The following LANCL3 variants were observed in gnomAD, a reference collection of about 807,000 sequenced individuals.
LANCL3 encodes the protein lanC-like protein 3.
In LANCL3, 19 loss-of-function variants were observed where a neutral mutation model predicts 26.5. The ratio of observed to expected loss-of-function variants is 0.72; its 90% CI spans 0.50 to 1.05. LANCL3 has a LOEUF of 1.05. Ranked by LOEUF, LANCL3 falls within the 50% of genes least tolerant of loss-of-function variation. The probability of loss-of-function intolerance (pLI) is 0.00; values close to 1 mark genes in which losing one functional copy is unlikely to be tolerated. For missense variants in LANCL3, 318 were observed against 362.7 expected (o/e 0.88, Z 1.00); for synonymous variants, 160 against 166.6 (o/e 0.96, Z 0.30).
chrX:37,591,469 A>T (rs1461324219), intron 1 of LANCL3, among the ~76,000 whole-genome samples: 5 of 111,599 alleles, frequency 4.5e-5, no homozygotes, highest in Non-Finnish European at 9.4e-5. Context: ...GAGCAACCAG[A>T]TGATGGTCTT....
At chrX:37,585,225 C>T (rs1247381671) in intron 1 of LANCL3, among the ~76,000 whole-genome samples, 2 of 111,455 alleles carry the variant, frequency 1.8e-5, no homozygotes, top group Non-Finnish European at 3.8e-5. Context: ...ACTATGTGGT[C>T]AATTTTGGCA....
chrX:37,640,692 C>G (rs1242024228), intron 1 of LANCL3, among the ~76,000 whole-genome samples: 1 of 111,813 alleles, frequency 8.9e-6, no homozygotes, highest in African/African-American at 3.3e-5. Context: ...ATCTCAGTTG[C>G]TCATCTCAGC....
intron 1 of LANCL3, among the ~76,000 whole-genome samples, chrX:37,598,817 A>G (rs1430990981): frequency 8.9e-6 from 1 of 112,045 alleles, no homozygotes; most frequent in Non-Finnish European, 1.9e-5. Context: ...AGTGATGCAG[A>G]ATTTCTTAAA....
chrX:37,602,601 T>A (rs1444605521), intron 1 of LANCL3, among the ~76,000 whole-genome samples: 1 of 111,921 alleles, frequency 8.9e-6, no homozygotes, highest in Non-Finnish European at 1.9e-5. Context: ...GATTTTTTAG[T>A]CAATGTTCTG....
rs190082095 is a variant in LANCL3 at position 37,638,013 on chromosome X, T to C, written c.574-17675T>C. On this transcript the variant is annotated intron_variant, in intron 1 of 4. Transcript: ENST00000378619. ...TCAGTAACTCTATTTGATCCTGTAA[T>C]GTGACTAAAACTTAGGGATATGTTT... Among the ~76,000 whole-genome samples the C allele has an allele frequency of 1.8e-4, 20 of 110,393 alleles. No individual in the cohort carries two copies. The East Asian group carries it at 5.7e-3, about 32-fold the overall frequency.
intron 1 of LANCL3, among the ~76,000 whole-genome samples, chrX:37,597,866 T>A (rs1320492143): frequency 9.2e-6 from 1 of 109,015 alleles, no homozygotes; most frequent in Non-Finnish European, 1.9e-5. Context: ...GTTCATTGGG[T>A]ATGAAGTGTG....
At chrX:37,610,590 T>C (rs1556421043) in intron 1 of LANCL3, among the ~76,000 whole-genome samples, 3 of 111,905 alleles carry the variant, frequency 2.7e-5, no homozygotes, top group African/African-American at 9.8e-5. Flanking sequence ...TGCTTGGCCC[T>C]TACTACAAGG....
At chrX:37,640,941 G>T (rs782395921) in intron 1 of LANCL3, among the ~76,000 whole-genome samples, 2 of 111,424 alleles carry the variant, frequency 1.8e-5, no homozygotes, top group Middle Eastern at 4.6e-3. Context: ...TGTCACTTTT[G>T]TTCCTGGTAG....
At chrX:37,637,758 A>T (rs1925744389) in intron 1 of LANCL3, among the ~76,000 whole-genome samples, 1 of 111,491 alleles carries the variant, frequency 9.0e-6, no homozygotes, top group Admixed American at 9.6e-5. Context: ...TACATTCCTG[A>T]TACAAATAGA....
intron 1 of LANCL3, among the ~76,000 whole-genome samples, chrX:37,605,834 C>A (rs1220194591): frequency 8.9e-6 from 1 of 111,775 alleles, no homozygotes; most frequent in African/African-American, 3.3e-5. Context: ...CTCAGTCCTC[C>A]TCCCCTGCTC....
At chrX:37,602,205 A>G (rs1924592565) in intron 1 of LANCL3, among the ~76,000 whole-genome samples, 1 of 112,210 alleles carries the variant, frequency 8.9e-6, no homozygotes, top group Non-Finnish European at 1.9e-5. Context: ...TGAATTCAAA[A>G]GGAAAGGCAA....
At position 37,654,723 on chromosome X, in the gene LANCL3, G is replaced by T. The variant is rs958927674; in HGVS notation, c.574-965G>T. Among the ~76,000 whole-genome samples the T allele has an allele frequency of 3.6e-5, 4 of 111,815 alleles. No homozygotes were observed. The South Asian group carries it at 1.1e-3, about 32-fold the overall frequency. On this transcript the variant is annotated intron_variant, in intron 1 of 4. Transcript: ENST00000378619. ...ACTGTCACTTATTTACTCACTCATC[G>T]GTTGTGAAGGACCCCCCTCAGACTC...
intron 1 of LANCL3, among the ~76,000 whole-genome samples, chrX:37,616,784 T>C (rs1293291362): frequency 9.0e-6 from 1 of 111,275 alleles, no homozygotes; most frequent in Non-Finnish European, 1.9e-5. Context: ...TTTCTTAGAG[T>C]AGTGTTTTAT....
At chrX:37,623,994 A>G (rs1390202677) in intron 1 of LANCL3, among the ~76,000 whole-genome samples, 1 of 112,519 alleles carries the variant, frequency 8.9e-6, no homozygotes, top group African/African-American at 3.2e-5. Context: ...ATATAGATGT[A>G]CCACACTTCA....
At position 37,572,062 on chromosome X, in the gene LANCL3, G is replaced by A. The variant is rs781855464; in HGVS notation, c.192G>A (p.Gly64=). The A allele has an allele frequency of 1.2e-5, 14 of 1,178,695 alleles. No individual in the cohort carries two copies. The highest frequency in any genetic ancestry group is 5.3e-5 in the African/African-American group (3 of 56,934). ...CGGGGGCTAGCGCCTGCCAGGGGGG[G>A]CTTTATGGCGGCGTGGCCGGAGTGG... ...ATAGASACQG[G]LYGGVAGVAY... The change falls in exon 1 of 5, where the codon GGG becomes GGA. Residue 64 remains glycine (G), a synonymous_variant. Transcript: ENST00000378619.
At chrX:37,620,401 A>G (rs1467961301) in intron 1 of LANCL3, among the ~76,000 whole-genome samples, 2 of 112,156 alleles carry the variant, frequency 1.8e-5, no homozygotes, top group Non-Finnish European at 3.8e-5. Flanking sequence ...CTGCTGGAGA[A>G]TGAAACCCCT....
chrX:37,577,344 G>T (rs782161208), intron 1 of LANCL3, among the ~76,000 whole-genome samples: 2 of 112,747 alleles, frequency 1.8e-5, no homozygotes, highest in East Asian at 5.6e-4. Context: ...AAATGTGTGA[G>T]CAGTAGCGTA....
chrX:37,658,519 T>G (rs1926341245), intron 2 of LANCL3, among the ~76,000 whole-genome samples: 1 of 112,098 alleles, frequency 8.9e-6, no homozygotes, highest in Admixed American at 9.4e-5. Context: ...GAGAGCAATG[T>G]GCTTAGCTCA....
chrX:37,664,720 C>T lies in LANCL3; in HGVS notation c.896-2562C>T, dbSNP rs146979830. Among the ~76,000 whole-genome samples, 236 of 110,657 alleles carry T rather than the reference C, an allele frequency of 2.1e-3. 3 individuals carry two copies. In the East Asian group the frequency reaches 0.054, roughly 25 times the overall value. On this transcript the variant is annotated intron_variant, in intron 3 of 4. Coordinates refer to ENST00000378619, the MANE Select transcript of LANCL3 (RefSeq NM_001170331.2). ...TTTTCAACCCTTACCCTCTTCCTAC[C>T]CTCCCTCCTCAAGTAGGCCCTGGTG...
Sources: allele counts gnomAD v4.1 joint callset (sites outside exome capture counted in the v4.1 genomes callset), GRCh38; gene constraint gnomAD v4.1.1; transcripts MANE v1.5; gene names NCBI Gene and HGNC (gene_info 2026-07-23, HGNC 2026-07-21).